Variants in PLPP1 observed in about 807,000 individuals in gnomAD.
The protein encoded by PLPP1 is lipid phosphate phosphohydrolase 1a.
Under a neutral mutation model 31.2 loss-of-function variants are expected in PLPP1, and 24 were observed. That is an observed-to-expected ratio of 0.77 (90% confidence interval 0.56 to 1.08). PLPP1 has a LOEUF of 1.08. Among genes scored for constraint, PLPP1 ranks in the 50% least tolerant of loss-of-function variants. The pLI is 0.00. For synonymous variants in PLPP1, 146 were observed against 126.3 expected (o/e 1.16, Z -1.05); for missense variants, 319 against 342.7 (o/e 0.93, Z 0.55).
chr5:55,437,296 C>T (rs903572865), intron 4 of PLPP1, among the ~76,000 whole-genome samples: 1 of 151,928 alleles, frequency 6.6e-6, no homozygotes, highest in African/African-American at 2.4e-5. Context: ...TTTGCCTTTC[C>T]TTGACTAATC....
chr5:55,453,380 T>A (rs1009306825), intron 3 of PLPP1, among the ~76,000 whole-genome samples: 1 of 152,180 alleles, frequency 6.6e-6, no homozygotes, highest in African/African-American at 2.4e-5. Context: ...GACTTCCTCA[T>A]CAAAACCGAG....
At chr5:55,502,118 GTCTGATGGGAGAAA>G (rs1753159202) in intron 1 of PLPP1, among the ~76,000 whole-genome samples, 1 of 152,150 alleles carries the variant, frequency 6.6e-6, no homozygotes, top group Admixed American at 6.6e-5. Context: ...ACCAGCTTTA[GTCTGATGGGAGAAA>G]AAGGAAAGAA....
chr5:55,479,661 T>C lies in PLPP1; in HGVS notation c.59-4211A>G, dbSNP rs531142294. On this transcript the variant is annotated intron_variant, in intron 1 of 5. Transcript: ENST00000307259. ...ACCGGGTGAAATGGGAAAGTAGCTC[T>C]GGCTCCCCACTGCCAAAAGGCCTCA... 2.0e-5 allele frequency among the ~76,000 whole-genome samples: 3 copies of C among 152,338 alleles called. No individual in the cohort carries two copies. The South Asian group carries it at 6.2e-4, about 32-fold the overall frequency.
At chr5:55,521,062 A>C (rs906239639) in intron 1 of PLPP1, among the ~76,000 whole-genome samples, 7 of 151,896 alleles carry the variant, frequency 4.6e-5, no homozygotes, top group Admixed American at 1.3e-4. Flanking sequence ...AAAATCAAAA[A>C]TTAGCCGGAG....
chr5:55,488,222 T>A (rs1207169078), intron 1 of PLPP1, among the ~76,000 whole-genome samples: 3 of 150,848 alleles, frequency 2.0e-5, no homozygotes, highest in Non-Finnish European at 4.4e-5. Flanking sequence ...AAAAAAAAAA[T>A]TTAGCCCTAT....
Position 55,467,951 on chromosome 5 carries a change from C to T in PLPP1, c.409G>A (p.Asp137Asn). 6.2e-7 allele frequency: 1 copy of T among 1,614,176 alleles called. No homozygotes were observed. Among genetic ancestry groups the T allele is most frequent in the Non-Finnish European group, 8.5e-7 (1 of 1,180,008 alleles). Residue 137 changes from aspartate (D) to asparagine (N), a missense_variant, in exon 3 of 6, where the codon GAT (aspartate) becomes AAT (asparagine). By Grantham distance (23) the Asp-to-Asn change is conservative. Transcript: ENST00000307259. ...RPHFLDVCDP[D>N]WSKINCSDGY... ...TCGCTGCAGTTGATTTTTGACCAATCTGGATCACAAACATCCAAGAAGTGA... is the reference window on the plus strand; with the variant it reads ...TCGCTGCAGTTGATTTTTGACCAATTTGGATCACAAACATCCAAGAAGTGA...
chr5:55,437,624 T>C (rs776226701), intron 4 of PLPP1, among the ~76,000 whole-genome samples: 1 of 152,198 alleles, frequency 6.6e-6, no homozygotes, highest in Non-Finnish European at 1.5e-5. Flanking sequence ...AGTGCTTTTA[T>C]GACTAGCCAG....
rs565159928 is a variant in PLPP1, at chr5:55,471,779, T to C, written c.210+3520A>G. On this transcript the variant is annotated intron_variant, in intron 2 of 5. Coordinates refer to ENST00000307259, the MANE Select transcript of PLPP1 (RefSeq NM_003711.4). ...AAATGTATACAAGTCTAACCGAGCA[T>C]TGCCTGAAAGAGGCTGAGTTAATGA... 2.0e-5 allele frequency among the ~76,000 whole-genome samples: 3 copies of C among 152,314 alleles called. 1 individual carries two copies. Among genetic ancestry groups the C allele is most frequent in the East Asian group, 1.9e-4 (1 of 5,182 alleles).
intron 1 of PLPP1, among the ~76,000 whole-genome samples, chr5:55,514,389 C>CA (rs34915896): frequency 2.7e-4 from 39 of 143,504 alleles, no homozygotes; most frequent in African/African-American, 7.5e-4. Context: ...GACCTGGTCT[C>CA]AAAAAAAAAA....
intron 1 of PLPP1, among the ~76,000 whole-genome samples, chr5:55,509,182 C>CA (rs1259792441): frequency 3.3e-5 from 5 of 152,154 alleles, no homozygotes; most frequent in Non-Finnish European, 5.9e-5. Flanking sequence ...GTGTATGTTT[C>CA]AATAAGAAAT....
chr5:55,500,149 G>C (rs1027426601), intron 1 of PLPP1, among the ~76,000 whole-genome samples: 3 of 146,424 alleles, frequency 2.0e-5, no homozygotes, highest in Non-Finnish European at 4.4e-5. Flanking sequence ...GCGCAATCTC[G>C]GCTCACTACA....
intron 2 of PLPP1, among the ~76,000 whole-genome samples, chr5:55,473,510 C>G (rs541628104): frequency 6.6e-6 from 1 of 152,054 alleles, no homozygotes; most frequent in African/African-American, 2.4e-5. Flanking sequence ...TAAGGTATTA[C>G]GATCATTCTT....
intron 1 of PLPP1, among the ~76,000 whole-genome samples, chr5:55,523,029 G>C (rs960817969): frequency 6.6e-6 from 1 of 151,938 alleles, no homozygotes; most frequent in Non-Finnish European, 1.5e-5. Context: ...AATAATGATT[G>C]TTTTTATAGA....
At chr5:55,534,429 T>C (rs1740803700) in intron 1 of PLPP1, 143 bp downstream of exon 1, 1 of 875,532 alleles carries the variant, frequency 1.1e-6, no homozygotes, top group African/African-American at 1.8e-5. Flanking sequence ...GCGGGGTCCC[T>C]CGGCTGCAGA....
At chr5:55,459,305 C>G (rs1174802887) in intron 3 of PLPP1, among the ~76,000 whole-genome samples, 1 of 150,980 alleles carries the variant, frequency 6.6e-6, no homozygotes, top group Non-Finnish European at 1.5e-5. Context: ...AAAGTTTACG[C>G]AAATGAAAGG....
chr5:55,471,052 T>C (rs1476901700), intron 2 of PLPP1, among the ~76,000 whole-genome samples: 2 of 152,192 alleles, frequency 1.3e-5, no homozygotes, highest in Non-Finnish European at 2.9e-5. Flanking sequence ...TTTGTGTCTT[T>C]CATTCAGGGC....
intron 1 of PLPP1, among the ~76,000 whole-genome samples, chr5:55,486,380 T>A (rs1471287559): frequency 6.6e-6 from 1 of 151,446 alleles, no homozygotes; most frequent in Admixed American, 6.6e-5. Context: ...AGGTCAGGAG[T>A]TCAAGACCAG....
intron 3 of PLPP1, among the ~76,000 whole-genome samples, chr5:55,452,219 T>C (rs914043562): frequency 1.3e-5 from 2 of 152,180 alleles, no homozygotes; most frequent in Non-Finnish European, 2.9e-5. Flanking sequence ...CGGGAGGTAT[T>C]GGATCACTGG....
intron 1 of PLPP1, among the ~76,000 whole-genome samples, chr5:55,521,621 C>T (rs1753670012): frequency 6.6e-6 from 1 of 152,208 alleles, no homozygotes; most frequent in Non-Finnish European, 1.5e-5. Context: ...TTGTCTCACT[C>T]ATTCTTAGTA....
Sources: allele counts gnomAD v4.1 joint callset (sites outside exome capture counted in the v4.1 genomes callset), GRCh38; gene constraint gnomAD v4.1.1; transcripts MANE v1.5; gene names NCBI Gene and HGNC (gene_info 2026-07-23, HGNC 2026-07-21).